The following SLC19A1 variants were observed in gnomAD, a reference collection of about 807,000 sequenced individuals.
The protein encoded by SLC19A1 is solute carrier family 19 member 1.
In SLC19A1, 37 loss-of-function variants were observed where a neutral mutation model predicts 35.3. The ratio of observed to expected loss-of-function variants is 1.05; its 90% CI spans 0.81 to 1.38. The LOEUF (loss-of-function observed/expected upper bound fraction) is 1.38, where lower values mean the gene tolerates loss of function less well. SLC19A1 is among the 40% of genes most tolerant of loss of function. SLC19A1 has a pLI of 0.00. For synonymous variants in SLC19A1, 460 were observed against 398.5 expected (o/e 1.15, Z -1.84); for missense variants, 831 against 826.9 (o/e 1.00, Z -0.06).
Position 45,530,809 on chromosome 21 carries a change from A to G in SLC19A1, c.1112T>C (p.Leu371Pro), listed in dbSNP as rs912722796. 1 of 1,568,050 alleles carries G rather than the reference A, an allele frequency of 6.4e-7. No homozygotes were observed. Among genetic ancestry groups the G allele is most frequent in the Non-Finnish European group, 8.6e-7 (1 of 1,157,324 alleles). ...SIWLCYAAFVLFRGSYQFLVP... is the reference protein window; with the variant it reads ...SIWLCYAAFVPFRGSYQFLVP... ...GAGGAACTGGTAGGAGCCGCGGAACAGCACGAAGGCCGCATAGCACAGCCA... is the reference window on the plus strand; with the variant it reads ...GAGGAACTGGTAGGAGCCGCGGAACGGCACGAAGGCCGCATAGCACAGCCA... The change falls in exon 4 of 6, where the codon CTG becomes CCG. Residue 371 changes from leucine to proline, a missense_variant. Transcript: ENST00000311124. The surrounding 1 kb of genome is among the most constrained non-coding windows in gnomAD (Gnocchi z 5.3).
chr21:45,509,208 C>T, downstream of SLC19A1: 2 of 1,108,502 alleles, frequency 1.8e-6, no homozygotes. Flanking sequence ...TGCCTACACC[C>T]CCAGGGCAGC....
At chr21:45,546,361 T>C (rs1487687438), upstream of SLC19A1, among the ~76,000 whole-genome samples, 1 of 152,216 alleles carries the variant, frequency 6.6e-6, no homozygotes, top group East Asian at 1.9e-4. Flanking sequence ...CCCACAGCAG[T>C]GGGGCTAACC....
intron 1 of SLC19A1, among the ~76,000 whole-genome samples, chr21:45,560,564 A>G (rs2078606039): frequency 6.6e-6 from 1 of 152,238 alleles, no homozygotes; most frequent in South Asian, 2.1e-4. Context: ...CAGAGTCCAA[A>G]CAAAGAGACA....
downstream of SLC19A1, chr21:45,510,081 C>A: frequency 6.3e-7 from 1 of 1,578,978 alleles, no homozygotes; most frequent in Non-Finnish European, 8.6e-7. Context: ...TGGTTGCGCT[C>A]AACAGCCCCC....
chr21:45,502,635 G>A (rs2036926769), intron 3 of SLC19A1: 1 of 152,186 alleles, frequency 6.6e-6, no homozygotes, highest in African/African-American at 2.4e-5. Flanking sequence ...CGGGACTGAG[G>A]AAAAGGAGAG....
rs550924654 is a variant in SLC19A1 at position 45,515,157 on chromosome 21, G to A, written c.*501C>T. The A allele has an allele frequency of 8.3e-5, 124 of 1,485,792 alleles. No individual in the cohort carries two copies. The highest frequency in any genetic ancestry group is 3.8e-4 in the South Asian group (29 of 77,120). The allele number at this position is 1,485,792 out of a possible 1,614,324, so 92.0% of individuals were successfully genotyped here. On this transcript the variant is annotated 3_prime_UTR_variant, in exon 6 of 6. Transcript: ENST00000311124. Reference sequence around the variant, plus strand: ...AGCCACATGCAGTTCTTCATTCTACGTCAGTTAAAAAAAAAAAAAGCATCT... The same window carrying A: ...AGCCACATGCAGTTCTTCATTCTACATCAGTTAAAAAAAAAAAAAGCATCT...
At chr21:45,511,178 C>A, downstream of SLC19A1, 1 of 1,601,282 alleles carries the variant, frequency 6.2e-7, no homozygotes, top group African/African-American at 1.3e-5. Context: ...AAGCCCGGGG[C>A]ACGCATCTTC....
At chr21:45,510,955 C>CA (rs1366005258), downstream of SLC19A1, among the ~76,000 whole-genome samples, 22 of 6,254 alleles carry the variant, frequency 3.5e-3, no homozygotes, top group East Asian at 8.5e-3. Context: ...ACCCACAACA[C>CA]CCCACATACA....
rs751187637 is a variant in SLC19A1 at position 45,515,619 on chromosome 21, G to A, written c.*39C>T. 7.4e-6 allele frequency: 12 copies of A among 1,611,132 alleles called. No homozygotes were observed. The highest frequency in any genetic ancestry group is 1.0e-5 in the Non-Finnish European group (12 of 1,179,870). On this transcript the variant is annotated 3_prime_UTR_variant, in exon 6 of 6. Transcript: ENST00000311124. ...GAGGCAGGGGTCGTGGGGATGCACTGAGGGCCGCCTGCAAAGTTACCACAG... is the reference window on the plus strand; with the variant it reads ...GAGGCAGGGGTCGTGGGGATGCACTAAGGGCCGCCTGCAAAGTTACCACAG...
At chr21:45,509,709 T>C (rs570694883), downstream of SLC19A1, 222 of 759,952 alleles carry the variant, frequency 2.9e-4, no homozygotes, top group African/African-American at 3.4e-3. Context: ...GCTTCGGCCA[T>C]GGGTGGGGGT....
chr21:45,505,761 A>C, intron 3 of SLC19A1: 1 of 1,174,102 alleles, frequency 8.5e-7, no homozygotes, highest in Non-Finnish European at 1.2e-6. Context: ...AGCACCCTGA[A>C]ACGGGCATTC....
chr21:45,531,559 TC>T lies in SLC19A1; in HGVS notation c.778del (p.Asp260ThrfsTer68), dbSNP rs746620831. ...VLARMLRELGDSLRRPQLRLW... is the reference protein window; with the variant it reads ...VLARMLRELGXSLRRPQLRLW... The stretch of plus-strand genomic sequence containing the variant: ...GCGCAGCTGCGGCCGCCGCAGGCTG[TC>T]CCCCAGCTCCCGCAGCATCCGCGCC... On this transcript the variant is annotated frameshift_variant, in exon 3 of 6. Coordinates refer to ENST00000311124, the MANE Select transcript of SLC19A1 (RefSeq NM_194255.4). LOFTEE classifies it high-confidence loss of function. The T allele has an allele frequency of 1.2e-6, 2 of 1,612,276 alleles. No homozygotes were observed. Among genetic ancestry groups the T allele is most frequent in the Non-Finnish European group, 1.7e-6 (2 of 1,179,674 alleles).
intron 5 of SLC19A1, among the ~76,000 whole-genome samples, chr21:45,516,873 C>T (rs1437817248): frequency 6.6e-6 from 1 of 152,212 alleles, no homozygotes; most frequent in African/African-American, 2.4e-5. Context: ...AGGCCAGAAT[C>T]CCTGCAGCCC....
At chr21:45,510,184 C>T (rs1345296614), downstream of SLC19A1, 1 of 1,598,314 alleles carries the variant, frequency 6.3e-7, no homozygotes, top group South Asian at 1.1e-5. Flanking sequence ...CCGCGCCTTC[C>T]TGTCCTCGCG....
rs1008657943 is a variant in SLC19A1, at chr21:45,540,155, G to A, written c.-49-2147C>T. Reference sequence around the variant, plus strand: ...GACCCTGATGCCCAGAGAGGCCACGGGTAGAGCTGGACATACCTCAGACCG... The same window carrying A: ...GACCCTGATGCCCAGAGAGGCCACGAGTAGAGCTGGACATACCTCAGACCG... On this transcript the variant is annotated intron_variant, in intron 1 of 5. Transcript: ENST00000311124. This position sits in a 1 kb window ranked among gnomAD's most constrained non-coding sequence, Gnocchi z 5.5. Among the ~76,000 whole-genome samples the A allele has an allele frequency of 4.6e-5, 7 of 152,132 alleles. No homozygotes were observed. Among genetic ancestry groups the A allele is most frequent in the Non-Finnish European group, 1.0e-4 (7 of 68,010 alleles).
chr21:45,531,689 G>A lies in SLC19A1; in HGVS notation c.649C>T (p.Arg217Trp), dbSNP rs200873712. 4 of 1,612,416 alleles carry A rather than the reference G, an allele frequency of 2.5e-6. No individual in the cohort carries two copies. The highest frequency in any genetic ancestry group is 2.7e-5 in the African/African-American group (2 of 74,926). ...GAAGCCGAGGTTTCGCACCGCCCCC[G>A]GTCGTCGCGGTTGAAGAAGAGGCTG... ...KRSLFFNRDDRGRCETSASEL... is the reference protein window; with the variant it reads ...KRSLFFNRDDWGRCETSASEL... Residue 217 changes from arginine (R) to tryptophan (W), a missense_variant, in exon 3 of 6, where the codon CGG becomes TGG. Physicochemically the swap from Arg to Trp is moderately radical, Grantham distance 101. Coordinates refer to ENST00000311124, the MANE Select transcript of SLC19A1 (RefSeq NM_194255.4).
rs972051516 is a variant in SLC19A1, at chr21:45,538,016, G to A, written c.-49-8C>T. ...ACGAAGGTGACGCTGTGCCTGGAAGGAGGGGTGGAGTCAGGGCACCTTGGA... is the reference window on the plus strand; with the variant it reads ...ACGAAGGTGACGCTGTGCCTGGAAGAAGGGGTGGAGTCAGGGCACCTTGGA... On this transcript the variant is annotated splice_region_variant and splice_polypyrimidine_tract_variant and intron_variant, in intron 1 of 5. Transcript: ENST00000311124. 2.9e-6 allele frequency: 4 copies of A among 1,390,946 alleles called. No individual in the cohort carries two copies. Among genetic ancestry groups the A allele is most frequent in the East Asian group, 5.3e-5 (2 of 37,646 alleles). 86.2% of individuals were successfully genotyped at this position (1,390,946 alleles called of 1,614,324 possible).
chr21:45,513,544 C>CG lies in SLC19A1; in HGVS notation c.*2113_*2114insC, dbSNP rs2037730978. 3 of 109,932 alleles carry CG rather than the reference C, an allele frequency of 2.7e-5. No homozygotes were observed. In the South Asian group the frequency reaches 8.7e-4, roughly 32 times the overall value. 6.8% of individuals were successfully genotyped at this position (109,932 alleles called of 1,614,324 possible). A position where few individuals can be genotyped will look rare whatever the true frequency, so the allele number is the denominator to read the frequency against. ...CACCCCTGAGATCCGGCAACATCAA[C>CG]CCGAGTCATTCGTTCTGTGGAGGGA... On this transcript the variant is annotated 3_prime_UTR_variant, in exon 6 of 6. Transcript: ENST00000311124.
intron 1 of SLC19A1, among the ~76,000 whole-genome samples, chr21:45,549,997 G>A (rs1463805349): frequency 3.3e-5 from 5 of 151,952 alleles, no homozygotes; most frequent in African/African-American, 4.8e-5. Flanking sequence ...GCAGAGCCCC[G>A]AACTCTCTGG....
Sources: allele counts gnomAD v4.1 joint callset (sites outside exome capture counted in the v4.1 genomes callset), GRCh38; gene constraint gnomAD v4.1.1; non-coding constraint Gnocchi (gnomAD v3.1); transcripts MANE v1.5; gene names NCBI Gene and HGNC (gene_info 2026-07-23, HGNC 2026-07-21).